The following IGFL2 variants were observed in gnomAD, a reference collection of about 807,000 sequenced individuals.
IGFL2 encodes IGF like family member 2.
In IGFL2, 7 loss-of-function variants were observed where a neutral mutation model predicts 13.9. That is an observed-to-expected ratio of 0.51 (90% CI 0.29 to 0.95). The LOEUF is 0.95. Ranked by LOEUF, IGFL2 falls within the 40% of genes least tolerant of loss-of-function variation. IGFL2 has a pLI of 0.08. For synonymous variants in IGFL2, 55 were observed against 55.8 expected (o/e 0.99, Z 0.07); for missense variants, 138 against 147.8 (o/e 0.93, Z 0.34).
chr19:46,189,438 A>G, the IGFL2 span, among the ~76,000 whole-genome samples: 7 of 152,142 alleles, frequency 4.6e-5, no homozygotes, highest in African/African-American at 1.4e-4. Context: ...GACGGATGTC[A>G]GGCCCTCCAC....
the IGFL2 span, among the ~76,000 whole-genome samples, chr19:46,184,065 G>A: frequency 6.6e-6 from 1 of 152,146 alleles, no homozygotes; most frequent in Admixed American, 6.5e-5. Context: ...TGATGATGGA[G>A]ATCACGTTTT....
At chr19:46,148,147 C>T (rs1172152878), upstream of IGFL2, 22 of 706,666 alleles carry the variant, frequency 3.1e-5, no homozygotes, top group Admixed American at 1.4e-4. Flanking sequence ...TCTCATGCCC[C>T]ACCCTTTCCA....
chr19:46,157,019 A>C (rs1033502074), intron 1 of IGFL2, among the ~76,000 whole-genome samples: 2 of 152,200 alleles, frequency 1.3e-5, no homozygotes, highest in Non-Finnish European at 2.9e-5. Context: ...CAATTTGACA[A>C]CTTAGATGAA....
chr19:46,144,980 A>G (rs528697098), upstream of IGFL2, among the ~76,000 whole-genome samples: 81 of 152,226 alleles, frequency 5.3e-4, no homozygotes, highest in African/African-American at 1.8e-3. Flanking sequence ...TTATTGCTCA[A>G]AAGTTTCCAT....
chr19:46,161,214 C>G lies in IGFL2; in HGVS notation c.*126C>G. 1 of 685,206 alleles carries G rather than the reference C, an allele frequency of 1.5e-6. No individual in the cohort carries two copies. Among genetic ancestry groups the G allele is most frequent in the Non-Finnish European group, 2.5e-6 (1 of 397,408 alleles). The allele number at this position is 685,206 out of a possible 1,614,324, so 42.4% of individuals were successfully genotyped here. A position where few individuals can be genotyped will look rare whatever the true frequency, so the allele number is the denominator to read the frequency against. On this transcript the variant is annotated 3_prime_UTR_variant, in exon 4 of 4. Coordinates refer to ENST00000377693, the MANE Select transcript of IGFL2 (RefSeq NM_001135113.2). ...ATGCAGCTCCAAGCCATTGTATGGC[C>G]CATGTGGGAGACTGATGGGACATGG...
the IGFL2 span, among the ~76,000 whole-genome samples, chr19:46,126,443 T>C: frequency 6.6e-6 from 1 of 152,362 alleles, no homozygotes; most frequent in African/African-American, 2.4e-5. Flanking sequence ...TTCTTTCATC[T>C]ATTCCTAGAG....
chr19:46,115,785 CAG>C, the IGFL2 span, among the ~76,000 whole-genome samples: 1 of 152,164 alleles, frequency 6.6e-6, no homozygotes, highest in Non-Finnish European at 1.5e-5. Context: ...GAACCAGCGA[CAG>C]GGATAAATGA....
At chr19:46,175,591 G>C in the IGFL2 span, among the ~76,000 whole-genome samples, 2 of 151,752 alleles carry the variant, frequency 1.3e-5, no homozygotes, top group African/African-American at 4.8e-5. Flanking sequence ...AGACTGGAGT[G>C]CAATGGCATG....
chr19:46,199,289 C>T, the IGFL2 span, among the ~76,000 whole-genome samples: 1 of 152,188 alleles, frequency 6.6e-6, no homozygotes. Flanking sequence ...GGATCTTGCC[C>T]TTACTTGTCA....
chr19:46,132,600 T>C, the IGFL2 span, among the ~76,000 whole-genome samples: 5,017 of 150,172 alleles, frequency 0.033, 122 homozygotes, highest in East Asian at 0.072. Context: ...AGTTACAGGA[T>C]TGAGGGCCAG....
the IGFL2 span, among the ~76,000 whole-genome samples, chr19:46,114,887 C>G: frequency 6.6e-6 from 1 of 152,144 alleles, no homozygotes. Context: ...TCCTGGACTC[C>G]CCACAGGTTT....
At chr19:46,117,098 T>C in the IGFL2 span, among the ~76,000 whole-genome samples, 11 of 152,210 alleles carry the variant, frequency 7.2e-5, no homozygotes, top group Non-Finnish European at 1.2e-4. Flanking sequence ...ACTATTTTTT[T>C]CTCATTATGT....
chr19:46,169,679 C>T, the IGFL2 span, among the ~76,000 whole-genome samples: 1 of 151,966 alleles, frequency 6.6e-6, no homozygotes, highest in East Asian at 1.9e-4. Flanking sequence ...GAAACCCTGT[C>T]TCTACTAAAA....
At chr19:46,179,314 G>A in the IGFL2 span, among the ~76,000 whole-genome samples, 4 of 149,216 alleles carry the variant, frequency 2.7e-5, no homozygotes, top group Admixed American at 1.3e-4. Flanking sequence ...GGCTGCAGAG[G>A]TGCAGGTGTC....
chr19:46,124,629 G>A, the IGFL2 span: 1 of 1,609,080 alleles, frequency 6.2e-7, no homozygotes, highest in Non-Finnish European at 8.5e-7. Context: ...ACTTGCCCAA[G>A]ATGCAGCATC....
chr19:46,137,285 C>T, the IGFL2 span: 1 of 1,137,954 alleles, frequency 8.8e-7, no homozygotes. Context: ...AGGATGCGTA[C>T]ACCACATGCA....
upstream of IGFL2, among the ~76,000 whole-genome samples, chr19:46,139,343 A>T (rs34138846): frequency 0.059 from 8,662 of 146,802 alleles, 321 homozygotes; most frequent in Non-Finnish European, 0.082. Flanking sequence ...ATCAAAACCA[A>T]TTTTTTTTTT....
chr19:46,184,633 C>T, the IGFL2 span, among the ~76,000 whole-genome samples: 1 of 152,208 alleles, frequency 6.6e-6, no homozygotes, highest in Non-Finnish European at 1.5e-5. Flanking sequence ...GTATGTGCCA[C>T]ATTTTCTTTA....
the IGFL2 span, among the ~76,000 whole-genome samples, chr19:46,185,575 G>A: frequency 1.3e-5 from 2 of 152,144 alleles, no homozygotes; most frequent in South Asian, 4.1e-4. Flanking sequence ...AGCCAATACT[G>A]GGCACCTCTC....
Sources: allele counts gnomAD v4.1 joint callset (sites outside exome capture counted in the v4.1 genomes callset), GRCh38; gene constraint gnomAD v4.1.1; transcripts MANE v1.5; gene names NCBI Gene and HGNC (gene_info 2026-07-23, HGNC 2026-07-21).